TNR: variants seen among roughly 807,000 people sequenced by gnomAD.
TNR encodes the protein tenascin R.
A neutral mutation model predicts 150.4 loss-of-function variants in TNR; 45 were observed. The observed-to-expected ratio is 0.30, with a 90% CI of 0.24 to 0.38. The LOEUF (loss-of-function observed/expected upper bound fraction) is 0.38. TNR is among the 10% of genes least tolerant of loss of function. TNR has a pLI of 1.00. For synonymous variants in TNR, 687 were observed against 678.4 expected, an observed-to-expected ratio of 1.01 and a Z score of -0.20; for missense variants, 1,544 against 1,759.1, an observed-to-expected ratio of 0.88 and a Z score of 2.19.
rs1228221930 is a variant in TNR, at chr1:175,357,432, A to T, written c.2975-970T>A. 3.9e-5 allele frequency among the ~76,000 whole-genome samples: 6 copies of T among 152,232 alleles called. No individual in the cohort carries two copies. The East Asian group carries it at 9.6e-4, about 24-fold the overall frequency. ...TGAGATTTCAAGTTTCTTGTGGTCT[A>T]AAGGCATACAAACAAGTTAAAATTC... is the stretch of plus-strand genomic sequence containing the variant. On this transcript the variant is annotated intron_variant, in intron 15 of 22. Coordinates refer to ENST00000367674, the MANE Select transcript of TNR (RefSeq NM_003285.3).
At chr1:175,543,397 G>A (rs1660574220) in intron 1 of TNR, among the ~76,000 whole-genome samples, 1 of 152,130 alleles carries the variant, frequency 6.6e-6, no homozygotes, top group South Asian at 2.1e-4. Context: ...CAGGGCTTCA[G>A]AGAGAGTACT....
intron 1 of TNR, among the ~76,000 whole-genome samples, chr1:175,678,519 C>A (rs1356329965): frequency 6.6e-6 from 1 of 152,220 alleles, no homozygotes; most frequent in African/African-American, 2.4e-5. Flanking sequence ...CTCTGGAAGA[C>A]ACAGTGCTGA....
At position 175,567,543 on chromosome 1, in the gene TNR, C is replaced by T. The variant is rs117400950; in HGVS notation, c.-164-39174G>A. ...GAGGAAATGATGGTTGAAGCATCTG[C>T]GGGTCTAACATGGCCATGGGAGGAG... On this transcript the variant is annotated intron_variant, in intron 1 of 22. Transcript: ENST00000367674. Among the ~76,000 whole-genome samples the T allele has an allele frequency of 1.8e-3, 267 of 152,238 alleles. 4 individuals are homozygous for T. The East Asian group carries it at 0.042, about 24-fold the overall frequency.
chr1:175,416,804 C>T (rs1161901910), intron 2 of TNR, among the ~76,000 whole-genome samples: 1 of 152,058 alleles, frequency 6.6e-6, no homozygotes, highest in Non-Finnish European at 1.5e-5. Context: ...GTCAGGAGAT[C>T]GAGACTGTCC....
intron 9 of TNR, among the ~76,000 whole-genome samples, chr1:175,367,558 C>T (rs1377375383): frequency 6.6e-6 from 1 of 152,166 alleles, no homozygotes; most frequent in East Asian, 1.9e-4. Flanking sequence ...TGTCAGTGAC[C>T]TTCAGAGGTG....
At chr1:175,706,208 A>C (rs2101931166) in intron 1 of TNR, among the ~76,000 whole-genome samples, 1 of 152,356 alleles carries the variant, frequency 6.6e-6, no homozygotes, top group South Asian at 2.1e-4. Context: ...AGTGGTTCGG[A>C]TAAAGAAGTC....
At chr1:175,375,066 G>C (rs1449631799) in intron 9 of TNR, among the ~76,000 whole-genome samples, 1 of 152,142 alleles carries the variant, frequency 6.6e-6, no homozygotes, top group Admixed American at 6.5e-5. Context: ...GTCCCAGTCA[G>C]GGAAGTTGAT....
intron 1 of TNR, among the ~76,000 whole-genome samples, chr1:175,612,397 CT>C (rs1663626145): frequency 6.6e-6 from 1 of 152,144 alleles, no homozygotes; most frequent in Non-Finnish European, 1.5e-5. Context: ...ATCTGGTGAA[CT>C]TTATAGGAAT....
chr1:175,616,371 A>G (rs1216966296), intron 1 of TNR, among the ~76,000 whole-genome samples: 2 of 152,146 alleles, frequency 1.3e-5, no homozygotes, highest in East Asian at 3.9e-4. Context: ...AGAAAGTGAC[A>G]CTGATCCTTA....
At chr1:175,381,425 G>A (rs890388346) in intron 8 of TNR, among the ~76,000 whole-genome samples, 13 of 152,204 alleles carry the variant, frequency 8.5e-5, no homozygotes, top group African/African-American at 3.1e-4. Flanking sequence ...GATCATAGGG[G>A]TTGTGGTCTG....
At chr1:175,345,394 C>T (rs2101998174) in intron 18 of TNR, among the ~76,000 whole-genome samples, 1 of 152,100 alleles carries the variant, frequency 6.6e-6, no homozygotes, top group East Asian at 1.9e-4. Flanking sequence ...AGACCACAAC[C>T]ATTATGAGAT....
At chr1:175,591,022 G>A (rs1662776912) in intron 1 of TNR, among the ~76,000 whole-genome samples, 1 of 152,212 alleles carries the variant, frequency 6.6e-6, no homozygotes, top group South Asian at 2.1e-4. Context: ...TCCAAGGAAG[G>A]CACAGTCAGA....
intron 18 of TNR, among the ~76,000 whole-genome samples, chr1:175,339,049 G>A (rs1650389182): frequency 6.6e-6 from 1 of 152,190 alleles, no homozygotes; most frequent in Admixed American, 6.5e-5. Context: ...CCTTTACCAA[G>A]TGTTTTTATT....
At chr1:175,396,844 A>T in intron 4 of TNR, 37 bp from the exon 5 acceptor site, 1 of 1,589,894 alleles carries the variant, frequency 6.3e-7, no homozygotes, top group Non-Finnish European at 8.6e-7. Context: ...ATGAGCTCAG[A>T]GGATTGCCTT....
chr1:175,389,190 G>C (rs754695910), intron 7 of TNR, among the ~76,000 whole-genome samples: 2 of 152,224 alleles, frequency 1.3e-5, no homozygotes, highest in African/African-American at 2.4e-5. Context: ...AGGAATGAAA[G>C]AGCCTCAGAA....
At chr1:175,673,848 C>A (rs1665776267) in intron 1 of TNR, among the ~76,000 whole-genome samples, 1 of 152,212 alleles carries the variant, frequency 6.6e-6, no homozygotes, top group South Asian at 2.1e-4. Context: ...GTCGACAGAG[C>A]CACAAAAGAT....
chr1:175,469,642 G>T (rs756036694), intron 2 of TNR, among the ~76,000 whole-genome samples: 1 of 151,980 alleles, frequency 6.6e-6, no homozygotes, highest in Non-Finnish European at 1.5e-5. Context: ...GAGGGACGGG[G>T]AGGAGGAGAT....
chr1:175,517,629 C>T (rs751074747), intron 2 of TNR, among the ~76,000 whole-genome samples: 5 of 152,112 alleles, frequency 3.3e-5, no homozygotes, highest in South Asian at 2.1e-4. Flanking sequence ...GTGAGACCTA[C>T]GAATCTGTAT....
chr1:175,360,720 T>C (rs2187854), intron 14 of TNR, among the ~76,000 whole-genome samples: 37,473 of 152,102 alleles, frequency 0.25, 5,495 homozygotes, highest in East Asian at 0.51. Flanking sequence ...ATTTTCATGT[T>C]AAAATTGGAA....
Sources: gnomAD v4.1 joint callset for allele counts (sites outside exome capture counted in the v4.1 genomes callset) on GRCh38, gnomAD v4.1.1 for gene constraint, MANE v1.5 for transcripts, NCBI Gene and HGNC (gene_info 2026-07-23, HGNC 2026-07-21) for gene names.